METAP1D: variants seen among roughly 807,000 people sequenced by gnomAD.
The protein encoded by METAP1D is methionyl aminopeptidase type 1D, mitochondrial, also known as methionine aminopeptidase 1D, mitochondrial.
METAP1D carries 31 observed loss-of-function variants against 40.5 expected under a neutral mutation model. The observed-to-expected ratio is 0.77, with a 90% CI of 0.58 to 1.03. The LOEUF (loss-of-function observed/expected upper bound fraction) is 1.03, where lower values mean the gene tolerates loss of function less well. METAP1D is among the 50% of genes least tolerant of loss of function. The probability of loss-of-function intolerance (pLI) is 0.00; values close to 1 mark genes in which losing one functional copy is unlikely to be tolerated. For missense variants in METAP1D, 411 were observed against 420.7 expected (o/e 0.98, Z 0.20); for synonymous variants, 151 against 146.4 (o/e 1.03, Z -0.22).
intron 1 of METAP1D, among the ~76,000 whole-genome samples, chr2:172,015,023 G>T (rs1270749994): frequency 6.6e-6 from 1 of 152,122 alleles, no homozygotes; most frequent in Non-Finnish European, 1.5e-5. Flanking sequence ...TATCCATTTT[G>T]CAAAGTAGAT....
chr2:172,016,425 C>G (rs1351170658), intron 1 of METAP1D, among the ~76,000 whole-genome samples: 1 of 147,518 alleles, frequency 6.8e-6, no homozygotes, highest in Non-Finnish European at 1.5e-5. Context: ...CGAGACCAGC[C>G]TGGGCAACAT....
intron 7 of METAP1D, among the ~76,000 whole-genome samples, chr2:172,078,146 C>T (rs560766113): frequency 1.9e-3 from 284 of 152,294 alleles, no homozygotes; most frequent in Non-Finnish European, 3.3e-3. Flanking sequence ...CTGAAGGGTG[C>T]ATGGCTGGAA....
At chr2:172,037,153 T>C (rs1215605034) in intron 1 of METAP1D, among the ~76,000 whole-genome samples, 1 of 152,068 alleles carries the variant, frequency 6.6e-6, no homozygotes, top group Non-Finnish European at 1.5e-5. Context: ...TCCCAGCTGC[T>C]TGGGAGGCTG....
In METAP1D at chr2:172,066,678, C is replaced by T. The variant is rs115755923; in HGVS notation, c.540+372C>T. The stretch of plus-strand genomic sequence containing the variant: ...TAGATATGTATGAGATGAGCTAACA[C>T]GAAGAAAGCCAGCATTTTTCCTTCA... On this transcript the variant is annotated intron_variant, in intron 5 of 9. Coordinates refer to ENST00000315796, the MANE Select transcript of METAP1D (RefSeq NM_199227.3). 5.1e-3 allele frequency among the ~76,000 whole-genome samples: 782 copies of T among 152,306 alleles called. 3 individuals carry two copies. Among genetic ancestry groups the T allele is most frequent in the African/African-American group, 0.015 (635 of 41,564 alleles).
In METAP1D at chr2:172,080,367, G is replaced by T. The variant is rs1559024857; in HGVS notation, c.969G>T (p.Arg323Ser). The change falls in exon 10 of 10, where the codon AGG (arginine) becomes AGT (serine). Residue 323 changes from arginine (R) to serine (S), a missense_variant. By Grantham distance (110) the Arg-to-Ser change is moderately radical. Coordinates refer to ENST00000315796, the MANE Select transcript of METAP1D (RefSeq NM_199227.3). ...QFEHTVLITSRGAQILTKLPH... is the reference protein window; with the variant it reads ...QFEHTVLITSSGAQILTKLPH... Reference sequence around the variant, plus strand: ...AGCACACGGTTCTGATCACGTCGAGGGGCGCGCAGATCCTGACCAAACTAC... The same window carrying T: ...AGCACACGGTTCTGATCACGTCGAGTGGCGCGCAGATCCTGACCAAACTAC... 1 of 1,614,050 alleles carries T rather than the reference G, an allele frequency of 6.2e-7. No individual in the cohort carries two copies. The highest frequency in any genetic ancestry group is 2.2e-5 in the East Asian group (1 of 44,888).
At position 172,042,825 on chromosome 2, in the gene METAP1D, A is replaced by G. The variant is rs561366494; in HGVS notation, c.41-18673A>G. On this transcript the variant is annotated intron_variant, in intron 1 of 9. Coordinates refer to ENST00000315796, the MANE Select transcript of METAP1D (RefSeq NM_199227.3). The stretch of plus-strand genomic sequence containing the variant: ...TATGTACACATATACGTGTGTGTGT[A>G]TATGTACACATATACGTGTGTGTGT... Among the ~76,000 whole-genome samples the G allele has an allele frequency of 3.1e-4, 17 of 54,222 alleles. 3 individuals carry two copies. The highest frequency in any genetic ancestry group is 6.0e-4 in the South Asian group (1 of 1,676). The allele number at this position is 54,222 out of a possible 152,430, so 35.6% of individuals were successfully genotyped here.
intron 2 of METAP1D, among the ~76,000 whole-genome samples, chr2:172,062,741 C>G (rs1690167666): frequency 6.6e-6 from 1 of 152,144 alleles, no homozygotes; most frequent in Admixed American, 6.5e-5. Flanking sequence ...GAAAACCCAT[C>G]TGAACAGGGG....
intron 1 of METAP1D, among the ~76,000 whole-genome samples, chr2:172,055,799 G>C (rs560045845): frequency 1.3e-5 from 2 of 152,214 alleles, no homozygotes; most frequent in African/African-American, 4.8e-5. Flanking sequence ...GCTGAATACA[G>C]TGTAGAACCA....
In METAP1D at chr2:172,042,343, A is replaced by G. The variant is rs747802545; in HGVS notation, c.41-19155A>G. ...CATATGTATGTGTACATGTGTACAT[A>G]TATACATATATACATATGTATGTGT... On this transcript the variant is annotated intron_variant, in intron 1 of 9. Coordinates refer to ENST00000315796, the MANE Select transcript of METAP1D (RefSeq NM_199227.3). Among the ~76,000 whole-genome samples the G allele has an allele frequency of 1.7e-4, 4 of 22,992 alleles. 1 individual carries two copies. The highest frequency in any genetic ancestry group is 8.0e-4 in the African/African-American group (3 of 3,770). The allele number at this position is 22,992 out of a possible 152,430, so 15.1% of individuals were successfully genotyped here. A position where few individuals can be genotyped will look rare whatever the true frequency, so the allele number is the denominator to read the frequency against.
chr2:172,005,790 G>A (rs1042630526), intron 1 of METAP1D, among the ~76,000 whole-genome samples: 1 of 151,286 alleles, frequency 6.6e-6, no homozygotes, highest in African/African-American at 2.4e-5. Context: ...CACCCACCTC[G>A]GCCTCCCAAA....
intron 1 of METAP1D, among the ~76,000 whole-genome samples, chr2:172,041,904 A>G (rs1689542803): frequency 8.4e-6 from 1 of 118,478 alleles, no homozygotes; most frequent in African/African-American, 2.7e-5. Context: ...ACATTCAAGC[A>G]ATTCTCCTGC....
chr2:172,016,950 T>G (rs1688881051), intron 1 of METAP1D, among the ~76,000 whole-genome samples: 1 of 152,118 alleles, frequency 6.6e-6, no homozygotes, highest in South Asian at 2.1e-4. Flanking sequence ...GGTCTTCATC[T>G]CATTGTCACT....
chr2:172,076,899 TA>T (rs1289939437), intron 6 of METAP1D, among the ~76,000 whole-genome samples: 2 of 152,270 alleles, frequency 1.3e-5, no homozygotes, highest in South Asian at 2.1e-4. Context: ...TAATAGTATA[TA>T]TGTTCTTGTT....
chr2:172,067,632 C>T (rs1690316867), intron 5 of METAP1D, among the ~76,000 whole-genome samples: 1 of 152,154 alleles, frequency 6.6e-6, no homozygotes, highest in Admixed American at 6.5e-5. Flanking sequence ...CTCATCTAGT[C>T]ACCCTATCAT....
At chr2:172,049,948 G>A (rs2105456524) in intron 1 of METAP1D, among the ~76,000 whole-genome samples, 1 of 152,286 alleles carries the variant, frequency 6.6e-6, no homozygotes, top group Non-Finnish European at 1.5e-5. Flanking sequence ...ATATTCAAAT[G>A]TTTTCTTTCT....
intron 1 of METAP1D, among the ~76,000 whole-genome samples, chr2:172,022,081 C>G (rs1411767736): frequency 6.6e-6 from 1 of 152,106 alleles, no homozygotes; most frequent in Admixed American, 6.6e-5. Context: ...ACTACTGTTA[C>G]CTGGTGGCGC....
intron 1 of METAP1D, among the ~76,000 whole-genome samples, chr2:172,002,350 C>T (rs1295523718): frequency 6.6e-6 from 1 of 152,016 alleles, no homozygotes; most frequent in African/African-American, 2.4e-5. Context: ...GAATCAATGA[C>T]AAAAACTGTG....
At chr2:172,045,648 T>G (rs1574122159) in intron 1 of METAP1D, among the ~76,000 whole-genome samples, 1 of 102,518 alleles carries the variant, frequency 9.8e-6, no homozygotes, top group Admixed American at 1.3e-4. Context: ...GCAACAAGAG[T>G]GAAACTCCGT....
chr2:172,033,636 G>A (rs1689293354), intron 1 of METAP1D, among the ~76,000 whole-genome samples: 1 of 152,038 alleles, frequency 6.6e-6, no homozygotes, highest in Non-Finnish European at 1.5e-5. Flanking sequence ...GATTACAGGT[G>A]TGAGCCACCG....
Sources: gnomAD v4.1 joint callset for allele counts (sites outside exome capture counted in the v4.1 genomes callset) on GRCh38, gnomAD v4.1.1 for gene constraint, MANE v1.5 for transcripts, NCBI Gene and HGNC (gene_info 2026-07-23, HGNC 2026-07-21) for gene names.